The following MYO5A variants were observed in gnomAD, a reference collection of about 807,000 sequenced individuals.
MYO5A encodes the protein myosin VA.
Under a neutral mutation model 249.7 loss-of-function variants are expected in MYO5A, and 98 were observed. The observed-to-expected ratio is 0.39, with a 90% confidence interval of 0.33 to 0.46. The LOEUF is 0.46. Among genes scored for constraint, MYO5A ranks in the 20% least tolerant of loss-of-function variants. The pLI is 0.98. For missense variants in MYO5A, 1,696 were observed against 2,308.8 expected, an observed-to-expected ratio of 0.73 and a Z score of 5.44; for synonymous variants, 778 against 810.6, an observed-to-expected ratio of 0.96 and a Z score of 0.68.
At chr15:52,435,797 A>G (rs1009828542) in intron 1 of MYO5A, 1 of 371,700 alleles carries the variant, frequency 2.7e-6, no homozygotes, top group Non-Finnish European at 5.2e-6. Flanking sequence ...TAGAGGCTAA[A>G]GCCCTCACAC....
chr15:52,430,937 TA>T (rs997638753), intron 2 of MYO5A, among the ~76,000 whole-genome samples: 1 of 151,752 alleles, frequency 6.6e-6, no homozygotes, highest in Non-Finnish European at 1.5e-5. Context: ...TTATTTTTTT[TA>T]AAAAAAGTCA....
intron 24 of MYO5A, among the ~76,000 whole-genome samples, chr15:52,362,324 AGT>A (rs1171075371): frequency 2.0e-5 from 3 of 152,188 alleles, no homozygotes; most frequent in Non-Finnish European, 1.5e-5. Context: ...AAGCAGTGAG[AGT>A]GTCATTTACA....
chr15:52,491,571 T>C (rs1163934217), intron 1 of MYO5A, among the ~76,000 whole-genome samples: 1 of 152,216 alleles, frequency 6.6e-6, no homozygotes, highest in Non-Finnish European at 1.5e-5. Flanking sequence ...AGCCATGTAT[T>C]TTTTATTGGA....
At chr15:52,323,318 G>A (rs371582681) in intron 37 of MYO5A, 37 bp downstream of exon 37, 3 of 1,545,516 alleles carry the variant, frequency 1.9e-6, no homozygotes, top group Non-Finnish European at 2.7e-6. Context: ...GTCAGAGAAA[G>A]TATAGCATGC....
chr15:52,423,140 A>T (rs992945227), intron 4 of MYO5A, among the ~76,000 whole-genome samples: 2 of 152,110 alleles, frequency 1.3e-5, no homozygotes, highest in Non-Finnish European at 2.9e-5. Flanking sequence ...ATAAATCTCT[A>T]TTACATGAAT....
At chr15:52,359,897 C>T in intron 25 of MYO5A, 71 bp downstream of exon 25, 1 of 1,079,182 alleles carries the variant, frequency 9.3e-7, no homozygotes, top group Non-Finnish European at 1.4e-6. Flanking sequence ...GTCTGCTTTG[C>T]AATGGAAATG....
intron 23 of MYO5A, among the ~76,000 whole-genome samples, chr15:52,365,783 C>G (rs2040776950): frequency 6.6e-6 from 1 of 152,224 alleles, no homozygotes; most frequent in African/African-American, 2.4e-5. Context: ...AGAAGCTGCT[C>G]TGAGCCTACC....
chr15:52,374,369 T>C (rs1372199924), intron 20 of MYO5A, among the ~76,000 whole-genome samples: 6 of 152,292 alleles, frequency 3.9e-5, no homozygotes, highest in South Asian at 2.1e-4. Context: ...TTTAACCTGT[T>C]TGTCATATAT....
intron 9 of MYO5A, among the ~76,000 whole-genome samples, chr15:52,400,343 C>T (rs1019983005): frequency 1.2e-4 from 18 of 152,262 alleles, no homozygotes; most frequent in African/African-American, 4.3e-4. Flanking sequence ...GGGTAGGGGA[C>T]TGGAGATTCA....
intron 14 of MYO5A, 60 bp downstream of exon 14, chr15:52,387,769 T>C (rs1050391515): frequency 7.9e-7 from 1 of 1,262,830 alleles, no homozygotes; most frequent in African/African-American, 1.5e-5. Flanking sequence ...ATCATTTTTA[T>C]TGTTAAAAAG....
In MYO5A at chr15:52,521,556, T is replaced by TA. The variant is rs2077621341; in HGVS notation, c.27+7223dup. On this transcript the variant is annotated intron_variant, in intron 1 of 41. Transcript: ENST00000399233. ...AGTACATTAGGCCACAGGAGGTAGATACATGGTCCTCATGAACACTTAGTG... is the reference window on the plus strand; with the variant it reads ...AGTACATTAGGCCACAGGAGGTAGATAACATGGTCCTCATGAACACTTAGTG... 2.6e-5 allele frequency among the ~76,000 whole-genome samples: 4 copies of TA among 152,326 alleles called. No homozygotes were observed. The South Asian group carries it at 8.3e-4, about 32-fold the overall frequency.
At chr15:52,364,739 C>A in intron 23 of MYO5A, 37 bp from the exon 24 acceptor site, 1 of 1,609,544 alleles carries the variant, frequency 6.2e-7, no homozygotes, top group South Asian at 1.1e-5. Flanking sequence ...CTAAAGATGG[C>A]CCCTTGAGAA....
At chr15:52,440,312 G>A (rs2075760345) in intron 1 of MYO5A, among the ~76,000 whole-genome samples, 1 of 151,362 alleles carries the variant, frequency 6.6e-6, no homozygotes, top group Non-Finnish European at 1.5e-5. Context: ...CTGTTGCCCA[G>A]GCTGGAGTGC....
chr15:52,489,649 T>G (rs1203429222), intron 1 of MYO5A, among the ~76,000 whole-genome samples: 1 of 151,866 alleles, frequency 6.6e-6, no homozygotes, highest in Admixed American at 6.6e-5. Context: ...AGGAAATATT[T>G]GCAAATCATA....
intron 1 of MYO5A, among the ~76,000 whole-genome samples, chr15:52,509,444 C>CA (rs2077346035): frequency 6.6e-6 from 1 of 151,886 alleles, no homozygotes; most frequent in Admixed American, 6.6e-5. Context: ...GGAAGAAAAA[C>CA]AAAAACAAAA....
intron 39 of MYO5A, 85 bp downstream of exon 39, chr15:52,318,975 G>C: frequency 3.3e-6 from 5 of 1,525,006 alleles, no homozygotes; most frequent in Non-Finnish European, 4.5e-6. Context: ...TGCAAGAACT[G>C]AAAACAAGTC....
chr15:52,447,774 A>T (rs1278986126), intron 1 of MYO5A, among the ~76,000 whole-genome samples: 3 of 152,236 alleles, frequency 2.0e-5, no homozygotes, highest in Non-Finnish European at 4.4e-5. Flanking sequence ...TAGGAAAGAG[A>T]CTGATGGCAT....
intron 9 of MYO5A, among the ~76,000 whole-genome samples, chr15:52,402,144 A>C (rs910690518): frequency 6.6e-6 from 1 of 152,220 alleles, no homozygotes; most frequent in African/African-American, 2.4e-5. Context: ...CGCCTAGGCC[A>C]CTACCAGCCC....
At chr15:52,331,976 C>G (rs879686978) in intron 34 of MYO5A, 6 of 670,014 alleles carry the variant, frequency 9.0e-6, no homozygotes, top group South Asian at 6.6e-5. Context: ...GAAAAGGAGA[C>G]TCAAACTGTT....
Sources: allele counts gnomAD v4.1 joint callset (sites outside exome capture counted in the v4.1 genomes callset), GRCh38; gene constraint gnomAD v4.1.1; transcripts MANE v1.5; gene names NCBI Gene and HGNC (gene_info 2026-07-23, HGNC 2026-07-21).